Variants in LIN54 observed in about 807,000 individuals in gnomAD.
The protein encoded by LIN54 is lin-54 DREAM MuvB core complex component.
Under a neutral mutation model 78.7 loss-of-function variants are expected in LIN54, and 9 were observed. That is an observed-to-expected ratio of 0.11 (90% CI 0.07 to 0.20). The LOEUF is 0.20. LIN54 is among the 10% of genes least tolerant of loss of function. The pLI, the probability that LIN54 is intolerant of heterozygous loss-of-function variation, is 1.00. For synonymous variants in LIN54, 269 were observed against 318.4 expected, an observed-to-expected ratio of 0.84 and a Z score of 1.65; for missense variants, 573 against 889.9, an observed-to-expected ratio of 0.64 and a Z score of 4.53.
chr4:82,983,699 A>C (rs182376007), intron 2 of LIN54, among the ~76,000 whole-genome samples: 2 of 152,148 alleles, frequency 1.3e-5, no homozygotes, highest in East Asian at 3.9e-4. Flanking sequence ...CTCCAAATAA[A>C]AGGCACACGC....
At chr4:82,970,267 G>A in intron 4 of LIN54, 60 bp downstream of exon 4, 1 of 1,495,600 alleles carries the variant, frequency 6.7e-7, no homozygotes, top group Non-Finnish European at 9.1e-7. Context: ...GAAGTGACTA[G>A]TAAGAAAATA....
chr4:82,939,496 A>G, intron 7 of LIN54, 43 bp downstream of exon 7: 2 of 1,502,654 alleles, frequency 1.3e-6, no homozygotes, highest in Non-Finnish European at 1.9e-6. Flanking sequence ...CTTGGACCCC[A>G]TTATCACTTT....
At chr4:83,012,868 T>C (rs948679714), upstream of LIN54, 1 of 150,856 alleles carries the variant, frequency 6.6e-6, no homozygotes, top group Non-Finnish European at 1.5e-5. Context: ...CGGCGGCGCC[T>C]CCGAGACACA....
intron 11 of LIN54, 106 bp downstream of exon 11, chr4:82,935,875 A>C: frequency 8.7e-7 from 1 of 1,143,422 alleles, no homozygotes; most frequent in Non-Finnish European, 1.3e-6. Context: ...GCATATTTTC[A>C]AATTGCAATA....
In LIN54 at chr4:82,936,358, C is replaced by A; in HGVS notation, c.1628G>T (p.Gly543Val). Residue 543 changes from glycine (G) to valine (V), a missense_variant, in exon 10 of 13, where the codon GGT becomes GTT. By Grantham distance (109) the Gly-to-Val change is moderately radical. Transcript: ENST00000340417. ...ACAATTGCAGTTGTTGCAAAATTCA[C>A]CATTTGCAAAGCAATCACAATACCT... is the stretch of plus-strand genomic sequence containing the variant. ...LKLYCDCFAN[G>V]EFCNNCNCTN... The A allele has an allele frequency of 6.4e-7, 1 of 1,569,960 alleles. No homozygotes were observed. Among genetic ancestry groups the A allele is most frequent in the Non-Finnish European group, 8.7e-7 (1 of 1,152,840 alleles).
At chr4:82,995,884 A>G (rs13111599) in intron 1 of LIN54, among the ~76,000 whole-genome samples, 96,550 of 151,354 alleles carry the variant, frequency 0.64, 32,920 homozygotes, top group Admixed American at 0.76. Context: ...GGTGGCTCAC[A>G]CCTGTAATCC....
intron 1 of LIN54, among the ~76,000 whole-genome samples, chr4:83,008,188 T>G (rs1276735173): frequency 6.6e-6 from 1 of 152,180 alleles, no homozygotes; most frequent in Non-Finnish European, 1.5e-5. Context: ...TTTCTGTAAC[T>G]CTTAAGGCCT....
At position 82,947,224 on chromosome 4, in the gene LIN54, TA is replaced by T. The variant is rs1312501524; in HGVS notation, c.952-751del. The stretch of plus-strand genomic sequence containing the variant: ...AAAAAAATTTATATATATATATATA[TA>T]TATATATATATTTTTTTTTTTTTTG... On this transcript the variant is annotated intron_variant, in intron 4 of 12. Coordinates refer to ENST00000340417, the MANE Select transcript of LIN54 (RefSeq NM_194282.4). Among the ~76,000 whole-genome samples the T allele has an allele frequency of 8.1e-3, 174 of 21,354 alleles. 2 individuals are homozygous for T. The highest frequency in any genetic ancestry group is 0.024 in the African/African-American group (164 of 6,856). The allele number at this position is 21,354 out of a possible 152,430, so 14.0% of individuals were successfully genotyped here. A position where few individuals can be genotyped will look rare whatever the true frequency, so the allele number is the denominator to read the frequency against.
In LIN54 at chr4:82,926,288, C is replaced by G. The variant is rs1325382542; in HGVS notation, c.*1814G>C. The G allele has an allele frequency of 6.6e-6, 1 of 152,434 alleles. No individual in the cohort carries two copies. 9.4% of individuals were successfully genotyped at this position (152,434 alleles called of 1,614,324 possible). On this transcript the variant is annotated 3_prime_UTR_variant, in exon 13 of 13. Transcript: ENST00000340417. ...TTGATTATTATTTTACCCTCTTACA[C>G]TAATTTACATTTATACAAATTTTAA...
chr4:83,007,598 T>C (rs564861832), intron 1 of LIN54, among the ~76,000 whole-genome samples: 1 of 152,244 alleles, frequency 6.6e-6, no homozygotes, highest in South Asian at 2.1e-4. Flanking sequence ...TCCGATAGTC[T>C]ACTAAATGGC....
chr4:82,932,214 C>A (rs113976511), intron 11 of LIN54, among the ~76,000 whole-genome samples: 2,958 of 151,086 alleles, frequency 0.02, 100 homozygotes, highest in African/African-American at 0.067. Context: ...CTTGCCTCAG[C>A]CTCCCGAGTA....
At chr4:82,987,756 A>C (rs1727299811) in intron 1 of LIN54, among the ~76,000 whole-genome samples, 1 of 152,238 alleles carries the variant, frequency 6.6e-6, no homozygotes, top group East Asian at 1.9e-4. Context: ...TATAAGTGCC[A>C]AATTTTATTT....
At chr4:82,939,862 C>T in intron 6 of LIN54, 27 bp downstream of exon 6, 1 of 1,602,076 alleles carries the variant, frequency 6.2e-7, no homozygotes, top group Non-Finnish European at 8.5e-7. Context: ...TTGGGAAAGA[C>T]TGAGAAAGAA....
At chr4:82,943,303 G>C (rs1723090438) in intron 5 of LIN54, among the ~76,000 whole-genome samples, 1 of 151,678 alleles carries the variant, frequency 6.6e-6, no homozygotes, top group Non-Finnish European at 1.5e-5. Context: ...ATTCTGAAAA[G>C]GCTAACCAAG....
chr4:82,948,820 A>T (rs1723616772), intron 4 of LIN54, among the ~76,000 whole-genome samples: 1 of 152,202 alleles, frequency 6.6e-6, no homozygotes, highest in Non-Finnish European at 1.5e-5. Flanking sequence ...CATAATGCCC[A>T]CCAGATTCAT....
chr4:82,998,057 T>TAC (rs1363038449), intron 1 of LIN54, among the ~76,000 whole-genome samples: 4 of 134,234 alleles, frequency 3.0e-5, no homozygotes, highest in African/African-American at 1.1e-4. Context: ...TATATATATA[T>TAC]ATACACGTAT....
At chr4:82,980,497 C>G (rs771490712) in intron 2 of LIN54, among the ~76,000 whole-genome samples, 1 of 151,940 alleles carries the variant, frequency 6.6e-6, no homozygotes, top group Non-Finnish European at 1.5e-5. Flanking sequence ...CTTACACCTA[C>G]AATATATTAC....
In LIN54 at chr4:82,929,252, G is replaced by A. The variant is rs554456982; in HGVS notation, c.2049-949C>T. On this transcript the variant is annotated intron_variant, in intron 12 of 12. Coordinates refer to ENST00000340417, the MANE Select transcript of LIN54 (RefSeq NM_194282.4). The stretch of plus-strand genomic sequence containing the variant: ...TGCTAGCATAACTTTTTTTATACAA[G>A]TTTTTAATATGTAATTTTGATTATA... Among the ~76,000 whole-genome samples the A allele has an allele frequency of 9.9e-4, 150 of 152,006 alleles. 1 individual carries two copies. Among genetic ancestry groups the A allele is most frequent in the East Asian group, 7.9e-3 (41 of 5,182 alleles).
Position 82,997,412 on chromosome 4 carries a change from A to G in LIN54, c.-32-12536T>C, listed in dbSNP as rs62311694. ...GCAATTACATTCCATCTTTAAATCT[A>G]CAAGGTTCTATTAGTTTCTAACTAG... On this transcript the variant is annotated intron_variant, in intron 1 of 12. Coordinates refer to ENST00000340417, the MANE Select transcript of LIN54 (RefSeq NM_194282.4). Among the ~76,000 whole-genome samples, 363 of 152,192 alleles carry G rather than the reference A, an allele frequency of 2.4e-3. 5 individuals are homozygous for G. The highest frequency in any genetic ancestry group is 3.0e-3 in the Non-Finnish European group (202 of 67,994).
Sources: gnomAD v4.1 joint callset for allele counts (sites outside exome capture counted in the v4.1 genomes callset) on GRCh38, gnomAD v4.1.1 for gene constraint, MANE v1.5 for transcripts, NCBI Gene and HGNC (gene_info 2026-07-23, HGNC 2026-07-21) for gene names.